VWA8: variants seen among roughly 807,000 people sequenced by gnomAD.
The protein encoded by VWA8 is von Willebrand factor A domain containing 8, also known as von Willebrand factor A domain-containing protein 8.
Under a neutral mutation model 241.5 loss-of-function variants are expected in VWA8, and 221 were observed. That is an observed-to-expected ratio of 0.91 (90% CI 0.82 to 1.02). The LOEUF (loss-of-function observed/expected upper bound fraction) is 1.02. VWA8 is among the 50% of genes least tolerant of loss of function. VWA8 has a pLI of 0.00. For synonymous variants in VWA8, 852 were observed against 827.1 expected (o/e 1.03, Z -0.52); for missense variants, 2,322 against 2,328.7 (o/e 1.00, Z 0.06).
rs189303030 is a variant in VWA8, at chr13:41,938,280, G to C, written c.241+11656C>G. Reference sequence around the variant, plus strand: ...CACACTGGATAAAGATTGCTATAGAGACTCTACAGGATACTTCAGAACACG... The same window carrying C: ...CACACTGGATAAAGATTGCTATAGACACTCTACAGGATACTTCAGAACACG... On this transcript the variant is annotated intron_variant, in intron 2 of 44. Coordinates refer to ENST00000379310, the MANE Select transcript of VWA8 (RefSeq NM_015058.2). Among the ~76,000 whole-genome samples, 476 of 152,168 alleles carry C rather than the reference G, an allele frequency of 3.1e-3. 2 individuals are homozygous for C. The highest frequency in any genetic ancestry group is 5.7e-3 in the Non-Finnish European group (389 of 67,994).
chr13:41,871,569 T>C (rs1469072595), intron 9 of VWA8, among the ~76,000 whole-genome samples: 3 of 152,258 alleles, frequency 2.0e-5, no homozygotes, highest in East Asian at 1.9e-4. Context: ...GGTTTTTTGT[T>C]CTTGCAATAG....
chr13:41,747,465 C>T lies in VWA8; in HGVS notation c.2426+13663G>A, dbSNP rs910157594. 2.6e-5 allele frequency among the ~76,000 whole-genome samples: 4 copies of T among 152,178 alleles called. No homozygotes were observed. The East Asian group carries it at 7.7e-4, about 29-fold the overall frequency. ...ATTGATTTTGTATCCTGAGACTTTGCTGAAGTTGTCCATCAGCTTAAGGAG... is the reference window on the plus strand; with the variant it reads ...ATTGATTTTGTATCCTGAGACTTTGTTGAAGTTGTCCATCAGCTTAAGGAG... On this transcript the variant is annotated intron_variant, in intron 21 of 44. Coordinates refer to ENST00000379310, the MANE Select transcript of VWA8 (RefSeq NM_015058.2).
Position 41,671,002 on chromosome 13 carries a change from G to A in VWA8, c.4555C>T (p.Gln1519Ter). Residue 1519 changes from glutamine (Q) to a stop codon, truncating the protein, a stop_gained, in exon 37 of 45, where the codon CAG (glutamine) becomes TAG (stop). Transcript: ENST00000379310. LOFTEE classifies it high-confidence loss of function. Reference sequence around the variant, plus strand: ...TTTCTCCATTCCATGAGTGATCGCTGCAGACGTTCAAGTCCAGTTTCCCAA... The same window carrying A: ...TTTCTCCATTCCATGAGTGATCGCTACAGACGTTCAAGTCCAGTTTCCCAA... ...RLWETGLERL[Q>*]RSLMEWRNMI... The A allele has an allele frequency of 1.2e-6, 2 of 1,613,912 alleles. No individual in the cohort carries two copies. The highest frequency in any genetic ancestry group is 1.7e-6 in the Non-Finnish European group (2 of 1,179,900).
intron 14 of VWA8, among the ~76,000 whole-genome samples, chr13:41,829,559 A>G (rs1337040087): frequency 4.2e-5 from 6 of 143,376 alleles, no homozygotes; most frequent in Non-Finnish European, 6.3e-5. Context: ...ACACACACAC[A>G]CACACACATG....
chr13:41,815,094 C>T (rs147017492), intron 16 of VWA8, among the ~76,000 whole-genome samples: 2 of 152,272 alleles, frequency 1.3e-5, no homozygotes, highest in South Asian at 2.1e-4. Context: ...AGTGAGTAAA[C>T]ATGCAGCTAT....
intron 14 of VWA8, among the ~76,000 whole-genome samples, chr13:41,826,966 A>G (rs551382928): frequency 6.6e-6 from 1 of 152,344 alleles, no homozygotes; most frequent in Non-Finnish European, 1.5e-5. Flanking sequence ...AGATTTAGAC[A>G]GTAAGGGAAG....
Position 41,960,990 on chromosome 13 carries a change from CCG to C in VWA8, c.24_25del (p.Ala10ThrfsTer46). ...CGGGCCGCCGTGGCCTCCGGGTGCC[CCG>C]AGGAGTAGAAGCCGGGATTGCATGG... is the stretch of plus-strand genomic sequence containing the variant. On this transcript the variant is annotated frameshift_variant, in exon 1 of 45. Transcript: ENST00000379310. LOFTEE classifies it high-confidence loss of function. 7.1e-7 allele frequency: 1 copy of C among 1,404,142 alleles called. No homozygotes were observed. The highest frequency in any genetic ancestry group is 1.5e-5 in the African/African-American group (1 of 66,432). The allele number at this position is 1,404,142 out of a possible 1,614,324, so 87.0% of individuals were successfully genotyped here.
At chr13:41,571,436 T>G (rs2044303479) in intron 43 of VWA8, among the ~76,000 whole-genome samples, 2 of 151,540 alleles carry the variant, frequency 1.3e-5, no homozygotes, top group Admixed American at 1.3e-4. Flanking sequence ...CTCGGCTCAC[T>G]GCAACCTCCC....
intron 37 of VWA8, among the ~76,000 whole-genome samples, chr13:41,649,555 T>G (rs1263543243): frequency 6.8e-6 from 1 of 147,010 alleles, no homozygotes; most frequent in Non-Finnish European, 1.5e-5. Context: ...ATCATTTTGA[T>G]TAGAGTAGAT....
chr13:41,599,609 A>G (rs2044508883), intron 40 of VWA8, among the ~76,000 whole-genome samples: 1 of 152,134 alleles, frequency 6.6e-6, no homozygotes, highest in African/African-American at 2.4e-5. Flanking sequence ...CCTTGGTTGC[A>G]TTCACTTTCC....
At chr13:41,664,438 G>A (rs1350954578) in intron 37 of VWA8, among the ~76,000 whole-genome samples, 2 of 141,404 alleles carry the variant, frequency 1.4e-5, no homozygotes, top group African/African-American at 5.4e-5. Context: ...TGTTCCATTT[G>A]TTATACTGTA....
intron 20 of VWA8, among the ~76,000 whole-genome samples, chr13:41,772,665 A>G (rs1593761627): frequency 6.6e-6 from 1 of 152,340 alleles, no homozygotes; most frequent in Non-Finnish European, 1.5e-5. Flanking sequence ...CACTTACTGG[A>G]AAGACTATGT....
chr13:41,734,952 A>G (rs1023296527), intron 21 of VWA8, among the ~76,000 whole-genome samples: 9 of 152,236 alleles, frequency 5.9e-5, no homozygotes, highest in East Asian at 1.9e-4. Flanking sequence ...GGATTGTCAT[A>G]TATCTATTTT....
intron 2 of VWA8, among the ~76,000 whole-genome samples, chr13:41,938,304 C>T (rs1344074172): frequency 6.6e-6 from 1 of 152,172 alleles, no homozygotes; most frequent in Middle Eastern, 3.4e-3. Context: ...CTTCAGAACA[C>T]GTTCAAGGGC....
chr13:41,882,223 G>A (rs979355621), intron 9 of VWA8, among the ~76,000 whole-genome samples: 3 of 151,462 alleles, frequency 2.0e-5, no homozygotes, highest in Non-Finnish European at 4.4e-5. Flanking sequence ...GGGCAGAGAC[G>A]CTCCTCACTT....
intron 5 of VWA8, among the ~76,000 whole-genome samples, chr13:41,889,510 C>T (rs1414143886): frequency 2.0e-5 from 3 of 151,972 alleles, no homozygotes; most frequent in African/African-American, 7.3e-5. Context: ...TCCCGAGTAG[C>T]TGGGATTACA....
chr13:41,569,359 G>A (rs1002243370), intron 44 of VWA8, among the ~76,000 whole-genome samples: 1 of 152,146 alleles, frequency 6.6e-6, no homozygotes, highest in Non-Finnish European at 1.5e-5. Context: ...GGAAAACCTG[G>A]GTGGAAAAGG....
intron 19 of VWA8, among the ~76,000 whole-genome samples, chr13:41,782,114 T>G (rs960641073): frequency 1.3e-5 from 2 of 152,226 alleles, no homozygotes; most frequent in Non-Finnish European, 2.9e-5. Flanking sequence ...TAATTCATAA[T>G]GCTTTAAGAA....
chr13:41,888,872 C>T (rs1874678093), intron 5 of VWA8, among the ~76,000 whole-genome samples: 2 of 152,128 alleles, frequency 1.3e-5, no homozygotes, highest in Admixed American at 6.5e-5. Flanking sequence ...AGAAATCATA[C>T]ACCTAATTAA....
Sources: allele counts gnomAD v4.1 joint callset (sites outside exome capture counted in the v4.1 genomes callset), GRCh38; gene constraint gnomAD v4.1.1; transcripts MANE v1.5; gene names NCBI Gene and HGNC (gene_info 2026-07-23, HGNC 2026-07-21).